The following ADARB2 variants were observed in gnomAD, a reference collection of about 807,000 sequenced individuals.
ADARB2 encodes inactive double-stranded RNA-specific editase B2.
In ADARB2, 25 loss-of-function variants were observed where a neutral mutation model predicts 62.2. The observed-to-expected ratio is 0.40, with a 90% CI of 0.29 to 0.56. The LOEUF (loss-of-function observed/expected upper bound fraction) is 0.56. ADARB2 is among the 20% of genes least tolerant of loss of function. The pLI is 0.43. For missense variants in ADARB2, 1,071 were observed against 1,077.4 expected (o/e 0.99, Z 0.08); for synonymous variants, 572 against 500.8 (o/e 1.14, Z -1.90).
chr10:1,202,351 T>C (rs1233227129), intron 7 of ADARB2, among the ~76,000 whole-genome samples: 1 of 152,076 alleles, frequency 6.6e-6, no homozygotes, highest in Non-Finnish European at 1.5e-5. Flanking sequence ...AATTATTTTG[T>C]ATTTTTTCAT....
intron 1 of ADARB2, among the ~76,000 whole-genome samples, chr10:1,684,154 T>C (rs755040166): frequency 2.0e-5 from 3 of 152,264 alleles, no homozygotes; most frequent in Non-Finnish European, 4.4e-5. Flanking sequence ...ACTCCATCTA[T>C]AGACTCCAAG....
intron 1 of ADARB2, among the ~76,000 whole-genome samples, chr10:1,683,324 C>G (rs1224596006): frequency 6.6e-6 from 1 of 152,210 alleles, no homozygotes; most frequent in African/African-American, 2.4e-5. Flanking sequence ...TGATTGAGCA[C>G]ATTTCGGGGA....
rs978129827 is a variant in ADARB2 at position 1,438,242 on chromosome 10, G to A, written c.101-59082C>T. On this transcript the variant is annotated intron_variant, in intron 1 of 9. Transcript: ENST00000381312. ...GAGTCTCCTCAGTGGACGGAAGCAG[G>A]TTCTTCACTATGGGGCTCCTGAGTC... 2.6e-5 allele frequency among the ~76,000 whole-genome samples: 4 copies of A among 151,354 alleles called. No homozygotes were observed. The South Asian group carries it at 6.3e-4, about 24-fold the overall frequency.
At chr10:1,545,978 G>A (rs1022050269) in intron 1 of ADARB2, among the ~76,000 whole-genome samples, 14 of 151,272 alleles carry the variant, frequency 9.3e-5, no homozygotes, top group African/African-American at 3.2e-4. Flanking sequence ...CTTTATCTGA[G>A]TTTCTTCCTC....
chr10:1,702,750 G>C (rs542420356), intron 1 of ADARB2, among the ~76,000 whole-genome samples: 3 of 152,294 alleles, frequency 2.0e-5, no homozygotes, highest in African/African-American at 7.2e-5. Context: ...CAGTGCTCTC[G>C]CTGATTTTCT....
At chr10:1,333,386 A>T (rs1287099711) in intron 3 of ADARB2, among the ~76,000 whole-genome samples, 2 of 152,134 alleles carry the variant, frequency 1.3e-5, no homozygotes, top group East Asian at 3.9e-4. Flanking sequence ...ACAGTGGGTC[A>T]CTTGCTGAAA....
chr10:1,413,001 G>A (rs1588249365), intron 1 of ADARB2, among the ~76,000 whole-genome samples: 1 of 152,274 alleles, frequency 6.6e-6, no homozygotes, highest in East Asian at 1.9e-4. Context: ...CGGGAGGGTG[G>A]ATGGGCCCTC....
intron 4 of ADARB2, among the ~76,000 whole-genome samples, chr10:1,250,121 G>C: frequency 6.6e-6 from 1 of 150,462 alleles, no homozygotes; most frequent in Non-Finnish European, 1.5e-5. Context: ...TTAACATAAT[G>C]AATCCTCTCT....
At chr10:1,323,315 A>T (rs1176092109) in intron 3 of ADARB2, among the ~76,000 whole-genome samples, 3 of 152,146 alleles carry the variant, frequency 2.0e-5, no homozygotes, top group Non-Finnish European at 4.4e-5. Context: ...CTGACAAAAA[A>T]ATCAAAGAAG....
At chr10:1,515,948 GAGTGTGC>G (rs1832003228) in intron 1 of ADARB2, among the ~76,000 whole-genome samples, 1 of 152,216 alleles carries the variant, frequency 6.6e-6, no homozygotes, top group Non-Finnish European at 1.5e-5. Context: ...TGTCAACATG[GAGTGTGC>G]AGTGCTAAGA....
chr10:1,710,756 T>TC (rs1190846424), intron 1 of ADARB2, among the ~76,000 whole-genome samples: 1 of 152,234 alleles, frequency 6.6e-6, no homozygotes, highest in East Asian at 1.9e-4. Context: ...CTCTCAGCTT[T>TC]CACACCATGC....
intron 1 of ADARB2, among the ~76,000 whole-genome samples, chr10:1,623,380 C>T (rs187613301): frequency 6.6e-6 from 1 of 152,318 alleles, no homozygotes; most frequent in Admixed American, 6.5e-5. Context: ...GCAACAAATA[C>T]ATGAACTGCA....
intron 1 of ADARB2, among the ~76,000 whole-genome samples, chr10:1,647,807 T>C (rs1158908706): frequency 1.3e-5 from 2 of 152,064 alleles, no homozygotes; most frequent in East Asian, 1.9e-4. Context: ...TGTATATGTG[T>C]GTGTGTATGC....
chr10:1,518,075 A>G (rs1023862298), intron 1 of ADARB2, among the ~76,000 whole-genome samples: 1 of 152,234 alleles, frequency 6.6e-6, no homozygotes, highest in Non-Finnish European at 1.5e-5. Context: ...CAGATGAGAC[A>G]AAACAGGCGA....
chr10:1,265,309 C>T lies in ADARB2; in HGVS notation c.1192+5646G>A, dbSNP rs541433942. 1.4e-3 allele frequency among the ~76,000 whole-genome samples: 216 copies of T among 152,380 alleles called. 1 individual carries two copies. The highest frequency in any genetic ancestry group is 5.0e-3 in the African/African-American group (207 of 41,586). On this transcript the variant is annotated intron_variant, in intron 4 of 9. Coordinates refer to ENST00000381312, the MANE Select transcript of ADARB2 (RefSeq NM_018702.4). The stretch of plus-strand genomic sequence containing the variant: ...TCTGCATATTAAATGCAAGGCATCA[C>T]CATCAACAGCCCCTTTAAGAATCAT...
At chr10:1,621,406 CTT>C (rs773486571) in intron 1 of ADARB2, among the ~76,000 whole-genome samples, 8 of 149,732 alleles carry the variant, frequency 5.3e-5, no homozygotes, top group African/African-American at 2.0e-4. Context: ...TCTTCTTTTT[CTT>C]TTTCTTTCTT....
intron 7 of ADARB2, among the ~76,000 whole-genome samples, chr10:1,214,064 C>T (rs537109252): frequency 6.7e-5 from 10 of 149,416 alleles, no homozygotes; most frequent in Admixed American, 2.7e-4. Context: ...CCGGACCTGC[C>T]GGTGACACAT....
chr10:1,608,766 A>G (rs1833527749), intron 1 of ADARB2, among the ~76,000 whole-genome samples: 1 of 137,164 alleles, frequency 7.3e-6, no homozygotes, highest in African/African-American at 2.9e-5. Context: ...GAAGGAAAGA[A>G]AGAGAAAGAG....
At chr10:1,412,480 A>C (rs1564283087) in intron 1 of ADARB2, among the ~76,000 whole-genome samples, 1 of 152,094 alleles carries the variant, frequency 6.6e-6, no homozygotes, top group Non-Finnish European at 1.5e-5. Context: ...TGCTTTTAAA[A>C]TAGTTCTCTA....
Sources: gnomAD v4.1 joint callset for allele counts (sites outside exome capture counted in the v4.1 genomes callset) on GRCh38, gnomAD v4.1.1 for gene constraint, MANE v1.5 for transcripts, NCBI Gene and HGNC (gene_info 2026-07-23, HGNC 2026-07-21) for gene names.